CSMD2: variants seen among roughly 807,000 people sequenced by gnomAD.
CSMD2 encodes CUB and sushi domain-containing protein 2.
A neutral mutation model predicts 398.5 loss-of-function variants in CSMD2; 130 were observed. The ratio of observed to expected loss-of-function variants is 0.33; its 90% CI spans 0.28 to 0.38. CSMD2 has a LOEUF of 0.38. Ranked by LOEUF, CSMD2 falls within the 10% of genes least tolerant of loss-of-function variation. The pLI, the probability that CSMD2 is intolerant of heterozygous loss-of-function variation, is 1.00. For missense variants in CSMD2, 3,829 were observed against 4,764.9 expected (o/e 0.80, Z 5.78); for synonymous variants, 1,828 against 1,908.5 (o/e 0.96, Z 1.10).
intron 3 of CSMD2, among the ~76,000 whole-genome samples, chr1:33,997,138 G>A (rs1646751632): frequency 6.6e-6 from 1 of 152,170 alleles, no homozygotes; most frequent in Non-Finnish European, 1.5e-5. Flanking sequence ...GCACCAAAGG[G>A]GCTATGAAGA....
intron 3 of CSMD2, among the ~76,000 whole-genome samples, chr1:33,943,767 ACTC>A (rs1644752365): frequency 6.6e-6 from 1 of 151,230 alleles, no homozygotes; most frequent in Non-Finnish European, 1.5e-5. Context: ...TCATCTCTGG[ACTC>A]CTTGAGGGGC....
At chr1:33,749,188 C>A (rs930348408) in intron 13 of CSMD2, among the ~76,000 whole-genome samples, 1 of 151,222 alleles carries the variant, frequency 6.6e-6, no homozygotes, top group Non-Finnish European at 1.5e-5. Flanking sequence ...GGCTCCACCC[C>A]CCCAGGTTCA....
intron 25 of CSMD2, among the ~76,000 whole-genome samples, chr1:33,670,852 G>A (rs4653334): frequency 1.3e-5 from 2 of 152,100 alleles, no homozygotes; most frequent in Non-Finnish European, 2.9e-5. Context: ...GTACGGAGAA[G>A]CCCCCTAACT....
intron 2 of CSMD2, among the ~76,000 whole-genome samples, chr1:34,081,756 C>A (rs1284973975): frequency 6.6e-6 from 1 of 152,210 alleles, no homozygotes; most frequent in Non-Finnish European, 1.5e-5. Context: ...GCTACAACCT[C>A]CACCTCCCAG....
chr1:33,890,232 C>CTTTTTTTTTT (rs11417145), intron 5 of CSMD2, among the ~76,000 whole-genome samples: 1 of 130,426 alleles, frequency 7.7e-6, no homozygotes, highest in African/African-American at 2.9e-5. Flanking sequence ...CTTTTTCTTT[C>CTTTTTTTTTT]TTTTTTTTTT....
chr1:34,164,880 G>T lies in CSMD2; in HGVS notation c.187+31C>A, dbSNP rs578052921. On this transcript the variant is annotated intron_variant, in intron 1 of 70. Coordinates refer to ENST00000373381, the MANE Select transcript of CSMD2 (RefSeq NM_001281956.2). The surrounding 1 kb of genome is among the most constrained non-coding windows in gnomAD (Gnocchi z 6.2). ...CGGGGCTCGGGTGGGGCGCGCGGCG[G>T]CCGCTGGCTCCTCGGCGCGGCTGGA... The T allele has an allele frequency of 7.5e-4, 919 of 1,217,702 alleles. 1 individual carries two copies. Among genetic ancestry groups the T allele is most frequent in the Non-Finnish European group, 8.6e-4 (844 of 978,926 alleles). The allele number at this position is 1,217,702 out of a possible 1,614,324, so 75.4% of individuals were successfully genotyped here. A position where few individuals can be genotyped will look rare whatever the true frequency, so the allele number is the denominator to read the frequency against.
At chr1:33,673,361 G>A (rs911807856) in intron 25 of CSMD2, among the ~76,000 whole-genome samples, 2 of 152,222 alleles carry the variant, frequency 1.3e-5, no homozygotes, top group African/African-American at 4.8e-5. Flanking sequence ...AAGGGTATCA[G>A]CGATGGAAGA....
chr1:33,561,941 C>T (rs930210067), intron 53 of CSMD2, among the ~76,000 whole-genome samples: 1 of 152,012 alleles, frequency 6.6e-6, no homozygotes, highest in African/African-American at 2.4e-5. Context: ...GCGGAAATCA[C>T]TCATATAAAG....
At chr1:33,558,652 T>C (rs1415742238) in intron 54 of CSMD2, among the ~76,000 whole-genome samples, 1 of 152,204 alleles carries the variant, frequency 6.6e-6, no homozygotes, top group Non-Finnish European at 1.5e-5. Flanking sequence ...TCTCTGAGGC[T>C]TCACTGCTGT....
At chr1:34,035,323 C>T (rs1434470332) in intron 2 of CSMD2, among the ~76,000 whole-genome samples, 1 of 152,090 alleles carries the variant, frequency 6.6e-6, no homozygotes, top group Non-Finnish European at 1.5e-5. Context: ...CTAATCTCTT[C>T]CAGAAAAGAA....
intron 24 of CSMD2, among the ~76,000 whole-genome samples, chr1:33,697,421 T>C (rs546707268): frequency 1.5e-3 from 224 of 152,186 alleles, no homozygotes; most frequent in Non-Finnish European, 2.7e-3. Context: ...AGGAAGACCC[T>C]AGAGGTTCCA....
chr1:33,938,875 T>C (rs1027681394), intron 3 of CSMD2, among the ~76,000 whole-genome samples: 1 of 151,850 alleles, frequency 6.6e-6, no homozygotes, highest in Non-Finnish European at 1.5e-5. Context: ...GCATTTCCCA[T>C]AATCCCATGT....
chr1:33,544,892 C>T (rs1018290978), intron 57 of CSMD2, among the ~76,000 whole-genome samples: 5 of 149,852 alleles, frequency 3.3e-5, no homozygotes, highest in Admixed American at 1.3e-4. Flanking sequence ...CCCTCTTTTC[C>T]CTTGCCACTT....
rs373370975 is a variant in CSMD2 at position 33,662,882 on chromosome 1, G to A, written c.4255+8C>T. On this transcript the variant is annotated splice_region_variant and intron_variant, in intron 26 of 70. Transcript: ENST00000373381. ...GTGGAGTGGGGCTGGCAGAGGGCACGCACAGACCTGAAAATTGAATGGCAA... is the reference window on the plus strand; with the variant it reads ...GTGGAGTGGGGCTGGCAGAGGGCACACACAGACCTGAAAATTGAATGGCAA... The A allele has an allele frequency of 5.9e-5, 96 of 1,613,640 alleles. 1 individual carries two copies. In the South Asian group the frequency reaches 6.9e-4, roughly 12 times the overall value.
At chr1:33,973,945 C>T (rs1465535721) in intron 3 of CSMD2, among the ~76,000 whole-genome samples, 2 of 152,162 alleles carry the variant, frequency 1.3e-5, no homozygotes, top group East Asian at 1.9e-4. Context: ...CTGAGCAGAA[C>T]TGCCCTCTGC....
At chr1:33,799,674 T>G (rs1001941212) in intron 10 of CSMD2, among the ~76,000 whole-genome samples, 5 of 152,160 alleles carry the variant, frequency 3.3e-5, no homozygotes, top group African/African-American at 1.2e-4. Flanking sequence ...TCTCCTTGCT[T>G]TTCCTGGAAT....
chr1:33,799,798 AG>A (rs1364526534), intron 10 of CSMD2, among the ~76,000 whole-genome samples: 3 of 152,240 alleles, frequency 2.0e-5, no homozygotes, highest in Non-Finnish European at 4.4e-5. Flanking sequence ...GGAACCACCA[AG>A]CCAGCCCTGG....
chr1:33,572,551 C>T lies in CSMD2; in HGVS notation c.7717G>A (p.Asp2573Asn). 6.2e-7 allele frequency: 1 copy of T among 1,613,976 alleles called. No individual in the cohort carries two copies. Among genetic ancestry groups the T allele is most frequent in the Non-Finnish European group, 8.5e-7 (1 of 1,179,976 alleles). Residue 2573 changes from aspartate to asparagine, a missense_variant, in exon 50 of 71, where the codon GAC becomes AAC. Physicochemically the swap from Asp to Asn is conservative, Grantham distance 23. Transcript: ENST00000373381. ...AGAEATAECL[D>N]TGLWSNRNVP... is the part of the protein sequence containing the mutation. ...TTGCGGTTGCTCCATAGGCCTGTGT[C>T]CAGACACTCTGCAGTGGCCTCAGCG...
At chr1:34,060,791 G>A (rs1396214468) in intron 2 of CSMD2, among the ~76,000 whole-genome samples, 1 of 151,886 alleles carries the variant, frequency 6.6e-6, no homozygotes, top group Non-Finnish European at 1.5e-5. Flanking sequence ...TCCCTTTAAT[G>A]GAAAAGGATA....
Sources: allele counts gnomAD v4.1 joint callset (sites outside exome capture counted in the v4.1 genomes callset), GRCh38; gene constraint gnomAD v4.1.1; non-coding constraint Gnocchi (gnomAD v3.1); transcripts MANE v1.5; gene names NCBI Gene and HGNC (gene_info 2026-07-23, HGNC 2026-07-21).